SOX5: variants seen among roughly 807,000 people sequenced by gnomAD.
SOX5 encodes the protein SRY-box transcription factor 5.
In SOX5, 9 loss-of-function variants were observed where a neutral mutation model predicts 92.0. The observed-to-expected ratio is 0.10, with a 90% CI of 0.06 to 0.17. The LOEUF is 0.17. Ranked by LOEUF, SOX5 falls within the 10% of genes least tolerant of loss-of-function variation. SOX5 has a pLI of 1.00. For missense variants in SOX5, 642 were observed against 944.5 expected (o/e 0.68, Z 4.20); for synonymous variants, 344 against 336.3 (o/e 1.02, Z -0.25).
chr12:23,536,757 T>A, intron 13 of SOX5, 88 bp from the exon 14 acceptor site: 1 of 1,063,808 alleles, frequency 9.4e-7, no homozygotes, highest in Non-Finnish European at 1.5e-6. Context: ...AAATCTAAAG[T>A]TGAGATGTTA....
chr12:23,963,002 TGATTTC>T (rs1253859084), intron 4 of SOX5, among the ~76,000 whole-genome samples: 2 of 152,178 alleles, frequency 1.3e-5, no homozygotes, highest in Non-Finnish European at 2.9e-5. Flanking sequence ...TAGAATCTAA[TGATTTC>T]CCCTTATCAT....
intron 8 of SOX5, among the ~76,000 whole-genome samples, chr12:23,630,297 G>A (rs879319793): frequency 7.9e-5 from 12 of 151,748 alleles, no homozygotes; most frequent in African/African-American, 2.7e-4. Flanking sequence ...AACAAGGAAC[G>A]AACCATAGCA....
intron 6 of SOX5, among the ~76,000 whole-genome samples, chr12:23,697,790 A>G (rs1049736567): frequency 6.6e-6 from 1 of 152,158 alleles, no homozygotes. Flanking sequence ...ACCTCAAGAG[A>G]TCTGCCTGCC....
At chr12:24,151,622 C>T (rs1045420272) in intron 4 of SOX5, among the ~76,000 whole-genome samples, 5 of 151,764 alleles carry the variant, frequency 3.3e-5, no homozygotes. Flanking sequence ...TAGCAGTGTC[C>T]GCAGGGAATC....
chr12:24,311,386 T>TCATTATAGGG (rs1352268282), intron 2 of SOX5, among the ~76,000 whole-genome samples: 1 of 152,202 alleles, frequency 6.6e-6, no homozygotes, highest in Non-Finnish European at 1.5e-5. Flanking sequence ...AATCTTTCTT[T>TCATTATAGGG]CATTATAGGG....
intron 1 of SOX5, among the ~76,000 whole-genome samples, chr12:24,518,697 T>C (rs148199249): frequency 3.3e-5 from 5 of 152,312 alleles, no homozygotes; most frequent in Non-Finnish European, 7.3e-5. Flanking sequence ...ATATCACACA[T>C]AGTCATTTAC....
At chr12:23,684,075 C>T (rs556475805) in intron 6 of SOX5, among the ~76,000 whole-genome samples, 192 of 152,062 alleles carry the variant, frequency 1.3e-3, no homozygotes, top group African/African-American at 4.5e-3. Context: ...ATTTCAGTAT[C>T]ACATTAAATA....
At chr12:24,196,632 G>A (rs901891729) in intron 4 of SOX5, among the ~76,000 whole-genome samples, 14 of 152,244 alleles carry the variant, frequency 9.2e-5, no homozygotes, top group African/African-American at 3.1e-4. Context: ...GGCCAGGCAC[G>A]GTGGCTCATG....
At chr12:24,555,002 C>T (rs1258718364) in intron 1 of SOX5, among the ~76,000 whole-genome samples, 1 of 152,146 alleles carries the variant, frequency 6.6e-6, no homozygotes, top group African/African-American at 2.4e-5. Context: ...GGGACAACTC[C>T]CTGAAGGGGC....
chr12:23,778,885 AG>A (rs2095192376), intron 3 of SOX5, among the ~76,000 whole-genome samples: 1 of 152,214 alleles, frequency 6.6e-6, no homozygotes, highest in African/African-American at 2.4e-5. Context: ...CAGAAGCTAG[AG>A]TACTGAAGGT....
At chr12:24,203,052 T>C (rs1405649063) in intron 4 of SOX5, among the ~76,000 whole-genome samples, 3 of 152,202 alleles carry the variant, frequency 2.0e-5, no homozygotes, top group Non-Finnish European at 4.4e-5. Context: ...AATGGTGACT[T>C]TCTATTTCCA....
chr12:24,322,534 G>C (rs1950301561), intron 2 of SOX5, among the ~76,000 whole-genome samples: 1 of 152,124 alleles, frequency 6.6e-6, no homozygotes, highest in Non-Finnish European at 1.5e-5. Flanking sequence ...TTCTAGTATA[G>C]ATTGCTCTTA....
intron 11 of SOX5, among the ~76,000 whole-genome samples, chr12:23,554,806 A>G (rs147432640): frequency 1.2e-3 from 179 of 152,284 alleles, no homozygotes; most frequent in African/African-American, 4.1e-3. Flanking sequence ...TTAAATCCAT[A>G]TTGGTAAAAT....
intron 7 of SOX5, among the ~76,000 whole-genome samples, chr12:23,657,171 A>T (rs2082413189): frequency 6.6e-6 from 1 of 152,078 alleles, no homozygotes; most frequent in African/African-American, 2.4e-5. Context: ...TAAGACCATA[A>T]GATGTAAGCT....
At chr12:24,194,446 TAGGTAGGTAGAG>T (rs1956825192) in intron 4 of SOX5, among the ~76,000 whole-genome samples, 3 of 151,850 alleles carry the variant, frequency 2.0e-5, no homozygotes, top group Admixed American at 1.3e-4. Context: ...GGTAGGTAGG[TAGGTAGGTAGAG>T]AGATATGTGT....
At chr12:24,232,907 T>C (rs575164562) in intron 3 of SOX5, among the ~76,000 whole-genome samples, 1 of 152,310 alleles carries the variant, frequency 6.6e-6, no homozygotes, top group African/African-American at 2.4e-5. Context: ...CCCTTCCACA[T>C]GGCAGCAATC....
In SOX5 at chr12:23,530,185, T is replaced by C. The variant is rs1938667453; in HGVS notation, c.*4034A>G. On this transcript the variant is annotated 3_prime_UTR_variant, in exon 15 of 15. Coordinates refer to ENST00000451604, the MANE Select transcript of SOX5 (RefSeq NM_006940.6). ...AGACCCCGTAAGTTTTATTTTATTA[T>C]TAATTTGATAGACAAATACCTTATA... 6.6e-6 allele frequency: 1 copy of C among 152,222 alleles called. No individual in the cohort carries two copies. The highest frequency in any genetic ancestry group is 6.5e-5 in the Admixed American group (1 of 15,292). The allele number at this position is 152,222 out of a possible 1,614,324, so 9.4% of individuals were successfully genotyped here. A position where few individuals can be genotyped will look rare whatever the true frequency, so the allele number is the denominator to read the frequency against.
intron 3 of SOX5, among the ~76,000 whole-genome samples, chr12:24,228,352 C>G (rs1962557571): frequency 6.6e-6 from 1 of 152,180 alleles, no homozygotes; most frequent in Non-Finnish European, 1.5e-5. Flanking sequence ...TATCAAAATA[C>G]TAATTAAAAT....
chr12:23,608,320 T>C (rs776567226), intron 8 of SOX5, among the ~76,000 whole-genome samples: 1 of 152,046 alleles, frequency 6.6e-6, no homozygotes, highest in South Asian at 2.1e-4. Flanking sequence ...GCTTAAAACA[T>C]TGCATTCTCA....
Sources: allele counts gnomAD v4.1 joint callset (sites outside exome capture counted in the v4.1 genomes callset), GRCh38; gene constraint gnomAD v4.1.1; transcripts MANE v1.5; gene names NCBI Gene and HGNC (gene_info 2026-07-23, HGNC 2026-07-21).